Variants in SLC8A1 observed in about 807,000 individuals in gnomAD.
SLC8A1 encodes sodium/calcium exchanger 1.
SLC8A1 carries 18 observed loss-of-function variants against 68.3 expected under a neutral mutation model. That is an observed-to-expected ratio of 0.26 (90% CI 0.18 to 0.39). The LOEUF is 0.39. Among genes scored for constraint, SLC8A1 ranks in the 10% least tolerant of loss-of-function variants. The probability of loss-of-function intolerance (pLI) is 1.00; values close to 1 mark genes in which losing one functional copy is unlikely to be tolerated. For synonymous variants in SLC8A1, 475 were observed against 415.5 expected (o/e 1.14, Z -1.74); for missense variants, 985 against 1,156.7 (o/e 0.85, Z 2.15).
intron 2 of SLC8A1, among the ~76,000 whole-genome samples, chr2:40,282,834 A>G (rs1575052782): frequency 6.6e-6 from 1 of 152,118 alleles, no homozygotes; most frequent in Non-Finnish European, 1.5e-5. Flanking sequence ...CTATAAACCC[A>G]ATCAGATGCA....
chr2:40,125,823 T>C (rs2037964947), intron 7 of SLC8A1, among the ~76,000 whole-genome samples: 2 of 152,222 alleles, frequency 1.3e-5, no homozygotes, highest in Non-Finnish European at 2.9e-5. Context: ...GCCTGATCTC[T>C]CAAAATGTTC....
intron 2 of SLC8A1, among the ~76,000 whole-genome samples, chr2:40,275,868 G>T (rs1214881639): frequency 1.3e-5 from 2 of 152,170 alleles, no homozygotes; most frequent in East Asian, 3.9e-4. Context: ...GGGCATGGTG[G>T]TTTCCTATTC....
intron 2 of SLC8A1, among the ~76,000 whole-genome samples, chr2:40,229,058 A>G (rs1370427498): frequency 2.6e-5 from 4 of 152,144 alleles, no homozygotes; most frequent in Admixed American, 2.0e-4. Context: ...ATGCTAGCAA[A>G]TTATTTTTAT....
intron 2 of SLC8A1, among the ~76,000 whole-genome samples, chr2:40,204,998 A>G (rs2055119031): frequency 1.3e-5 from 2 of 151,960 alleles, no homozygotes. Flanking sequence ...AATCTATTTC[A>G]GGAGTACAGT....
At chr2:40,363,337 G>GGAT (rs78021253) in intron 2 of SLC8A1, among the ~76,000 whole-genome samples, 43,377 of 150,874 alleles carry the variant, frequency 0.29, 7,607 homozygotes, top group African/African-American at 0.51. Flanking sequence ...ACCACTGCAG[G>GGAT]GATGATGATG....
chr2:40,265,634 T>G (rs990485152), intron 2 of SLC8A1, among the ~76,000 whole-genome samples: 5 of 152,144 alleles, frequency 3.3e-5, no homozygotes, highest in African/African-American at 4.8e-5. Flanking sequence ...TGCAATTCTG[T>G]GGCTAACAAA....
At chr2:40,183,627 T>C (rs1162338946) in intron 2 of SLC8A1, among the ~76,000 whole-genome samples, 4 of 152,150 alleles carry the variant, frequency 2.6e-5, no homozygotes, top group Non-Finnish European at 5.9e-5. Context: ...TTTAACAAGA[T>C]CCCCAGATGA....
intron 2 of SLC8A1, among the ~76,000 whole-genome samples, chr2:40,231,419 C>G (rs985966049): frequency 3.3e-5 from 5 of 152,120 alleles, no homozygotes; most frequent in Admixed American, 1.3e-4. Flanking sequence ...CCCATTTAAT[C>G]TTTATAGGTG....
intron 2 of SLC8A1, among the ~76,000 whole-genome samples, chr2:40,255,858 C>T (rs1243832980): frequency 1.3e-5 from 2 of 152,098 alleles, no homozygotes; most frequent in African/African-American, 4.8e-5. Flanking sequence ...TTACCCTGAG[C>T]CCAAGAAACT....
intron 6 of SLC8A1, among the ~76,000 whole-genome samples, chr2:40,143,659 G>T (rs971127550): frequency 6.6e-6 from 1 of 152,180 alleles, no homozygotes; most frequent in Admixed American, 6.5e-5. Context: ...CAGGGTGTCA[G>T]TTCAGCTATT....
chr2:40,464,130 G>A (rs186757796), intron 1 of SLC8A1, among the ~76,000 whole-genome samples: 74 of 152,082 alleles, frequency 4.9e-4, no homozygotes, highest in African/African-American at 1.7e-3. Context: ...CCTGACTTCA[G>A]GTGATCCATT....
At chr2:40,338,542 G>T (rs1319073493) in intron 2 of SLC8A1, among the ~76,000 whole-genome samples, 3 of 152,082 alleles carry the variant, frequency 2.0e-5, no homozygotes, top group Non-Finnish European at 4.4e-5. Flanking sequence ...TTTTATTTCT[G>T]CTCTGTAAAC....
At chr2:40,473,060 C>T (rs1385633811) in intron 1 of SLC8A1, among the ~76,000 whole-genome samples, 4 of 72,532 alleles carry the variant, frequency 5.5e-5, no homozygotes, top group African/African-American at 1.7e-4. Flanking sequence ...GTCAGAATGG[C>T]GGGAGGGGGC....
chr2:40,324,633 TAA>T (rs2075606849), intron 2 of SLC8A1, among the ~76,000 whole-genome samples: 1 of 152,056 alleles, frequency 6.6e-6, no homozygotes, highest in Admixed American at 6.6e-5. Flanking sequence ...TGGGGAGAAT[TAA>T]GTTATTAGTT....
intron 2 of SLC8A1, among the ~76,000 whole-genome samples, chr2:40,380,331 T>C (rs1660821979): frequency 6.6e-6 from 1 of 152,158 alleles, no homozygotes; most frequent in Non-Finnish European, 1.5e-5. Flanking sequence ...CCTGGAAGAA[T>C]AATAAATCAA....
At position 40,467,510 on chromosome 2, in the gene SLC8A1, T is replaced by C. The variant is rs144433784; in HGVS notation, c.-24-37206A>G. 7.4e-3 allele frequency among the ~76,000 whole-genome samples: 1,123 copies of C among 152,300 alleles called. 26 individuals carry two copies. The South Asian group carries it at 0.087, about 12-fold the overall frequency. On this transcript the variant is annotated intron_variant, in intron 1 of 7. Transcript: ENST00000402441. ...TTATCTTTCTCTCAATTAAAAACAT[T>C]GGCAGCTGCTATTGTTGTCTCCTTT...
intron 2 of SLC8A1, among the ~76,000 whole-genome samples, chr2:40,332,858 C>T (rs1401887622): frequency 2.6e-5 from 4 of 152,186 alleles, no homozygotes; most frequent in Non-Finnish European, 5.9e-5. Flanking sequence ...TTAAATAAAT[C>T]CTTTTGACCC....
chr2:40,102,149 A>G (rs982956669), exon 8 of SLC8A1: 1 of 152,106 alleles, frequency 6.6e-6, no homozygotes, highest in Non-Finnish European at 1.5e-5. Context: ...TATACAGCAA[A>G]CCTATAAGTA....
exon 2 of SLC8A1, chr2:40,428,794 C>T: frequency 1.2e-6 from 2 of 1,613,834 alleles, no homozygotes; most frequent in South Asian, 2.2e-5. Context: ...TTTGACATTG[C>T]TGAGATGCAC....
Sources: allele counts gnomAD v4.1 joint callset (sites outside exome capture counted in the v4.1 genomes callset), GRCh38; gene constraint gnomAD v4.1.1; transcripts MANE v1.5; gene names NCBI Gene and HGNC (gene_info 2026-07-23, HGNC 2026-07-21).